Variants in PAFAH1B1 observed in about 807,000 individuals in gnomAD.
The protein encoded by PAFAH1B1 is platelet activating factor acetylhydrolase 1b regulatory subunit 1.
A neutral mutation model predicts 57.5 loss-of-function variants in PAFAH1B1; 2 were observed. The ratio of observed to expected loss-of-function variants is 0.03; its 90% confidence interval spans 0.01 to 0.11. PAFAH1B1 has a LOEUF of 0.11. Ranked by LOEUF, PAFAH1B1 falls within the 10% of genes least tolerant of loss-of-function variation. The probability of loss-of-function intolerance (pLI) is 1.00; values close to 1 mark genes in which losing one functional copy is unlikely to be tolerated. For missense variants in PAFAH1B1, 257 were observed against 512.0 expected (o/e 0.50, Z 4.81); for synonymous variants, 152 against 169.6 (o/e 0.90, Z 0.81).
intron 2 of PAFAH1B1, among the ~76,000 whole-genome samples, chr17:2,663,947 G>C (rs1375169392): frequency 1.3e-5 from 2 of 151,528 alleles, no homozygotes; most frequent in African/African-American, 2.4e-5. Flanking sequence ...CCCACCTCGG[G>C]CTCCCAAAGT....
At chr17:2,671,216 G>T (rs951612026) in intron 6 of PAFAH1B1, among the ~76,000 whole-genome samples, 17 of 148,360 alleles carry the variant, frequency 1.1e-4, no homozygotes, top group Admixed American at 8.1e-4. Flanking sequence ...TTTTTTGGTT[G>T]TTTTTTTTTT....
intron 2 of PAFAH1B1, among the ~76,000 whole-genome samples, chr17:2,652,292 G>A (rs932200511): frequency 6.6e-6 from 1 of 152,116 alleles, no homozygotes; most frequent in Non-Finnish European, 1.5e-5. Flanking sequence ...GCGGGTGCCT[G>A]TAGTCCCAGC....
chr17:2,667,894 G>A (rs751079939), intron 5 of PAFAH1B1, among the ~76,000 whole-genome samples: 18 of 151,492 alleles, frequency 1.2e-4, no homozygotes, highest in Admixed American at 9.2e-4. Flanking sequence ...CCTTTGTTCC[G>A]GACACAATAA....
intron 1 of PAFAH1B1, among the ~76,000 whole-genome samples, chr17:2,597,649 TCCGC>T (rs2068098879): frequency 6.6e-6 from 1 of 151,608 alleles, no homozygotes; most frequent in African/African-American, 2.4e-5. Context: ...GACCTCGTGA[TCCGC>T]CCGCCTCTGC....
At chr17:2,641,056 C>G (rs1432701066) in intron 2 of PAFAH1B1, 1 of 152,260 alleles carries the variant, frequency 6.6e-6, no homozygotes, top group Non-Finnish European at 1.5e-5. Context: ...TTCACCACCA[C>G]TCATTCCACA....
chr17:2,599,201 G>A (rs1450661090), intron 1 of PAFAH1B1, among the ~76,000 whole-genome samples: 1 of 152,146 alleles, frequency 6.6e-6, no homozygotes, highest in African/African-American at 2.4e-5. Flanking sequence ...ACTTTTTGAG[G>A]TAGATTGGTA....
chr17:2,639,915 T>C (rs763896421), intron 2 of PAFAH1B1: 15 of 152,192 alleles, frequency 9.9e-5, no homozygotes, highest in Admixed American at 3.3e-4. Context: ...AAAAAAAATT[T>C]TGTGGCTTTT....
intron 1 of PAFAH1B1, among the ~76,000 whole-genome samples, chr17:2,599,885 C>T (rs2151607587): frequency 6.8e-6 from 1 of 146,244 alleles, no homozygotes; most frequent in East Asian, 2.1e-4. Context: ...AATCTTTGAA[C>T]ATTTTAATAA....
intron 2 of PAFAH1B1, chr17:2,638,539 C>A: frequency 2.0e-6 from 1 of 497,744 alleles, no homozygotes; most frequent in Non-Finnish European, 3.6e-6. Flanking sequence ...GAGTTTTTCG[C>A]TTTTGTCACC....
chr17:2,664,665 GCTCTCT>G (rs1555526143), intron 2 of PAFAH1B1, among the ~76,000 whole-genome samples: 56 of 86,090 alleles, frequency 6.5e-4, no homozygotes, highest in Non-Finnish European at 1.3e-3. Flanking sequence ...TCTATCTATC[GCTCTCT>G]CTCTCTCTCT....
intron 1 of PAFAH1B1, among the ~76,000 whole-genome samples, chr17:2,599,522 A>C (rs2068116883): frequency 6.6e-6 from 1 of 152,206 alleles, no homozygotes; most frequent in African/African-American, 2.4e-5. Context: ...ATACTGCTTT[A>C]CAGATAGTAT....
At chr17:2,641,583 G>T (rs2068695427) in intron 2 of PAFAH1B1, 3 of 152,134 alleles carry the variant, frequency 2.0e-5, no homozygotes, top group Admixed American at 2.0e-4. Context: ...CCCCTCAGTT[G>T]ATGCTTTTGT....
At chr17:2,653,517 C>T (rs1299287458) in intron 2 of PAFAH1B1, among the ~76,000 whole-genome samples, 1 of 151,984 alleles carries the variant, frequency 6.6e-6, no homozygotes, top group Non-Finnish European at 1.5e-5. Context: ...AGCTTTCAAA[C>T]AGGTATTTTC....
intron 2 of PAFAH1B1, chr17:2,639,537 C>T (rs770125395): frequency 6.6e-6 from 1 of 152,060 alleles, no homozygotes; most frequent in Middle Eastern, 3.4e-3. Flanking sequence ...TCCACTCCCC[C>T]GCTTCACCTG....
At chr17:2,674,975 C>A (rs553297684) in intron 8 of PAFAH1B1, among the ~76,000 whole-genome samples, 1 of 152,248 alleles carries the variant, frequency 6.6e-6, no homozygotes, top group African/African-American at 2.4e-5. Flanking sequence ...ATCCCTGTTT[C>A]TAATAAATGA....
intron 9 of PAFAH1B1, among the ~76,000 whole-genome samples, chr17:2,677,394 A>G (rs1009569953): frequency 2.6e-5 from 4 of 152,198 alleles, no homozygotes; most frequent in Non-Finnish European, 4.4e-5. Context: ...CTATGTGCCT[A>G]AAGGAGTTCC....
At chr17:2,649,628 T>G (rs2068822106) in intron 2 of PAFAH1B1, among the ~76,000 whole-genome samples, 2 of 152,168 alleles carry the variant, frequency 1.3e-5, no homozygotes, top group Admixed American at 1.3e-4. Flanking sequence ...TAGAAAAGAT[T>G]TTCCTTGTTT....
intron 1 of PAFAH1B1, among the ~76,000 whole-genome samples, chr17:2,632,709 A>G (rs2068570745): frequency 6.6e-6 from 1 of 152,222 alleles, no homozygotes; most frequent in Non-Finnish European, 1.5e-5. Flanking sequence ...ACAACTATTT[A>G]CATAATATTT....
At chr17:2,662,005 T>G in intron 2 of PAFAH1B1, 1 of 146,490 alleles carries the variant, frequency 6.8e-6, no homozygotes, top group South Asian at 2.1e-4. Context: ...GAGCCGAGCT[T>G]GCGCCATTGC....
Sources: allele counts gnomAD v4.1 joint callset (sites outside exome capture counted in the v4.1 genomes callset), GRCh38; gene constraint gnomAD v4.1.1; transcripts MANE v1.5; gene names NCBI Gene and HGNC (gene_info 2026-07-23, HGNC 2026-07-21).